HERPUD2: variants seen among roughly 807,000 people sequenced by gnomAD.
HERPUD2 encodes the protein HERPUD family member 2.
In HERPUD2, 13 loss-of-function variants were observed where a neutral mutation model predicts 49.9. That is an observed-to-expected ratio of 0.26 (90% CI 0.17 to 0.41). The LOEUF (loss-of-function observed/expected upper bound fraction) is 0.41. Ranked by LOEUF, HERPUD2 falls within the 10% of genes least tolerant of loss-of-function variation. The probability of loss-of-function intolerance (pLI) is 1.00; values close to 1 mark genes in which losing one functional copy is unlikely to be tolerated. For synonymous variants in HERPUD2, 172 were observed against 171.4 expected (o/e 1.00, Z -0.03); for missense variants, 449 against 492.2 (o/e 0.91, Z 0.83).
chr7:35,648,658 T>G (rs1192970602), intron 5 of HERPUD2, among the ~76,000 whole-genome samples: 3 of 152,242 alleles, frequency 2.0e-5, no homozygotes, highest in Non-Finnish European at 4.4e-5. Flanking sequence ...ACTTCAAATG[T>G]GCTCAGTCAT....
At chr7:35,673,086 G>A (rs932465299) in intron 3 of HERPUD2, 115 bp downstream of exon 3, 10 of 690,458 alleles carry the variant, frequency 1.4e-5, no homozygotes, top group East Asian at 5.2e-5. Context: ...GTTACACCAC[G>A]CAAAGGGATT....
chr7:35,674,292 T>C (rs1392810703), intron 2 of HERPUD2, among the ~76,000 whole-genome samples: 2 of 150,242 alleles, frequency 1.3e-5, no homozygotes, highest in Non-Finnish European at 3.0e-5. Context: ...TTTTGGAGTG[T>C]GCCATTCCTC....
At chr7:35,650,974 C>T (rs1391547389) in intron 5 of HERPUD2, among the ~76,000 whole-genome samples, 1 of 152,146 alleles carries the variant, frequency 6.6e-6, no homozygotes, top group Non-Finnish European at 1.5e-5. Context: ...TGGATTGCAC[C>T]ATCCACAACT....
chr7:35,666,610 A>T (rs1475224057), intron 5 of HERPUD2, among the ~76,000 whole-genome samples: 1 of 152,176 alleles, frequency 6.6e-6, no homozygotes, highest in Non-Finnish European at 1.5e-5. Flanking sequence ...AGCTTCCTTT[A>T]CCTCAAAAAT....
chr7:35,686,525 C>A (rs1426236924), intron 2 of HERPUD2, among the ~76,000 whole-genome samples: 1 of 148,520 alleles, frequency 6.7e-6, no homozygotes, highest in African/African-American at 2.5e-5. Context: ...CCATTTCCAC[C>A]CGGCTAAAAC....
intron 2 of HERPUD2, among the ~76,000 whole-genome samples, chr7:35,674,703 T>C (rs1411110718): frequency 2.1e-5 from 3 of 145,660 alleles, no homozygotes; most frequent in Admixed American, 6.9e-5. Context: ...TGGCTTAAGG[T>C]TGAGTTGACA....
intron 2 of HERPUD2, among the ~76,000 whole-genome samples, chr7:35,688,121 A>C (rs972736450): frequency 7.8e-4 from 118 of 152,182 alleles, no homozygotes; most frequent in African/African-American, 2.8e-3. Flanking sequence ...TTCAGTCACA[A>C]ATATCAAATA....
At chr7:35,647,710 T>C (rs1583543137) in intron 5 of HERPUD2, among the ~76,000 whole-genome samples, 1 of 152,202 alleles carries the variant, frequency 6.6e-6, no homozygotes, top group East Asian at 1.9e-4. Flanking sequence ...GTTAAGAATA[T>C]AGGCCTCCAA....
At chr7:35,658,807 T>C (rs1181336665) in intron 5 of HERPUD2, among the ~76,000 whole-genome samples, 2 of 152,214 alleles carry the variant, frequency 1.3e-5, no homozygotes, top group Non-Finnish European at 2.9e-5. Flanking sequence ...AATGGAACTT[T>C]GTAAATGAAC....
At chr7:35,670,113 C>T in intron 4 of HERPUD2, 102 bp downstream of exon 4, 1 of 520,252 alleles carries the variant, frequency 1.9e-6, no homozygotes, top group Non-Finnish European at 3.4e-6. Context: ...AATTCACAAG[C>T]TCCAATTGTT....
chr7:35,660,011 A>C (rs1021286227), intron 5 of HERPUD2, among the ~76,000 whole-genome samples: 4 of 151,954 alleles, frequency 2.6e-5, no homozygotes, highest in African/African-American at 9.7e-5. Context: ...TATATCTCCT[A>C]AGCTATCCCT....
intron 5 of HERPUD2, among the ~76,000 whole-genome samples, chr7:35,665,491 T>C (rs982572687): frequency 3.3e-5 from 5 of 152,208 alleles, no homozygotes; most frequent in Admixed American, 2.0e-4. Context: ...GGTGGGAGTA[T>C]CCCGATTTTC....
intron 2 of HERPUD2, among the ~76,000 whole-genome samples, chr7:35,675,068 G>A (rs1785731057): frequency 6.6e-6 from 1 of 152,168 alleles, no homozygotes; most frequent in Non-Finnish European, 1.5e-5. Flanking sequence ...ACCTGTGCTT[G>A]GGACCACATA....
intron 2 of HERPUD2, among the ~76,000 whole-genome samples, chr7:35,680,339 T>C (rs1169346034): frequency 6.6e-6 from 1 of 151,822 alleles, no homozygotes; most frequent in Non-Finnish European, 1.5e-5. Context: ...AGCCCAGGAG[T>C]TCGAGGCTGC....
At chr7:35,668,602 A>G (rs1365333103) in intron 4 of HERPUD2, 1 of 154,786 alleles carries the variant, frequency 6.5e-6, no homozygotes, top group Admixed American at 6.5e-5. Context: ...TAAGTCCTGC[A>G]ATGTGAAAGG....
chr7:35,692,953 C>A (rs1786224388), intron 2 of HERPUD2, among the ~76,000 whole-genome samples: 1 of 152,190 alleles, frequency 6.6e-6, no homozygotes, highest in Non-Finnish European at 1.5e-5. Context: ...AAAGTTATTT[C>A]CCACCCTAAA....
At chr7:35,680,304 G>C (rs1785422235) in intron 2 of HERPUD2, among the ~76,000 whole-genome samples, 1 of 152,056 alleles carries the variant, frequency 6.6e-6, no homozygotes, top group African/African-American at 2.4e-5. Flanking sequence ...AGCTGCTTGG[G>C]AGGCTGAGGT....
intron 5 of HERPUD2, among the ~76,000 whole-genome samples, chr7:35,659,784 T>G (rs1785369703): frequency 6.6e-6 from 1 of 152,234 alleles, no homozygotes; most frequent in Non-Finnish European, 1.5e-5. Context: ...CAAATATCTT[T>G]GTTGCTCAGT....
intron 2 of HERPUD2, among the ~76,000 whole-genome samples, chr7:35,675,741 G>C (rs1785747020): frequency 6.6e-6 from 1 of 152,034 alleles, no homozygotes; most frequent in Non-Finnish European, 1.5e-5. Context: ...TTTCTTCAAA[G>C]AGAATACTGT....
Sources: gnomAD v4.1 joint callset for allele counts (sites outside exome capture counted in the v4.1 genomes callset) on GRCh38, gnomAD v4.1.1 for gene constraint, MANE v1.5 for transcripts, NCBI Gene and HGNC (gene_info 2026-07-23, HGNC 2026-07-21) for gene names.